RAP1GDS1: variants seen among roughly 807,000 people sequenced by gnomAD.
RAP1GDS1 encodes RAP1, GTP-GDP dissociation stimulator 1.
A neutral mutation model predicts 71.1 loss-of-function variants in RAP1GDS1; 35 were observed. The observed-to-expected ratio is 0.49, with a 90% CI of 0.38 to 0.65. The LOEUF (loss-of-function observed/expected upper bound fraction) is 0.65, where lower values mean the gene tolerates loss of function less well. Ranked by LOEUF, RAP1GDS1 falls within the 30% of genes least tolerant of loss-of-function variation. RAP1GDS1 has a pLI of 0.00. For missense variants in RAP1GDS1, 663 were observed against 706.1 expected (o/e 0.94, Z 0.69); for synonymous variants, 229 against 243.1 (o/e 0.94, Z 0.54).
chr4:98,443,015 A>ATTTTTTTTCTTTTTTTTTTTTT lies in RAP1GDS1; in HGVS notation c.*906_*907insCTTTTTTTTTTTTTTTTTTTTT. ...TGAGTATAGTTCATTGAAGAATGGA[A>ATTTTTTTTCTTTTTTTTTTTTT]TTTTTTTTTTTTTTTTTTTTTTTGC... is the stretch of plus-strand genomic sequence containing the variant. On this transcript the variant is annotated 3_prime_UTR_variant, in exon 15 of 15. Transcript: ENST00000408927. 1 of 130,728 alleles carries ATTTTTTTTCTTTTTTTTTTTTT rather than the reference A, an allele frequency of 7.6e-6. No homozygotes were observed. 8.1% of individuals were successfully genotyped at this position (130,728 alleles called of 1,614,324 possible).
At chr4:98,378,973 A>T in intron 4 of RAP1GDS1, 44 bp from the exon 5 acceptor site, 1 of 1,482,750 alleles carries the variant, frequency 6.7e-7, no homozygotes, top group Non-Finnish European at 9.1e-7. Flanking sequence ...TGTAAGGTAC[A>T]TTTCTTTTTT....
intron 14 of RAP1GDS1, 127 bp from the exon 15 acceptor site, chr4:98,441,863 T>G: frequency 9.5e-7 from 1 of 1,055,482 alleles, no homozygotes; most frequent in Non-Finnish European, 1.3e-6. Flanking sequence ...GCTACTGCTA[T>G]GTCTTTTTCC....
chr4:98,395,487 T>A (rs746882777), intron 6 of RAP1GDS1, among the ~76,000 whole-genome samples: 2 of 152,202 alleles, frequency 1.3e-5, no homozygotes, highest in Non-Finnish European at 2.9e-5. Flanking sequence ...CTGAGCCCTG[T>A]GAACTCCAGA....
At chr4:98,319,100 C>G (rs1731382434) in intron 2 of RAP1GDS1, among the ~76,000 whole-genome samples, 1 of 152,058 alleles carries the variant, frequency 6.6e-6, no homozygotes, top group African/African-American at 2.4e-5. Flanking sequence ...GAATTTTTGT[C>G]AAAATATTAA....
chr4:98,293,599 T>C (rs941834713), intron 2 of RAP1GDS1, 84 bp downstream of exon 2: 15 of 899,490 alleles, frequency 1.7e-5, no homozygotes, highest in Non-Finnish European at 2.6e-5. Flanking sequence ...GTTAAGCACA[T>C]AACTTTGTAT....
At chr4:98,312,866 G>A (rs901140763) in intron 2 of RAP1GDS1, among the ~76,000 whole-genome samples, 1 of 151,564 alleles carries the variant, frequency 6.6e-6, no homozygotes, top group Non-Finnish European at 1.5e-5. Flanking sequence ...TCAGGAGATC[G>A]AGACCATCCT....
chr4:98,381,135 A>G (rs1578663757), intron 5 of RAP1GDS1, among the ~76,000 whole-genome samples: 1 of 151,744 alleles, frequency 6.6e-6, no homozygotes, highest in African/African-American at 2.4e-5. Flanking sequence ...GGCATTCCCA[A>G]GAAATAACTT....
rs139695174 is a variant in RAP1GDS1, at chr4:98,406,715, A to AT, written c.763+2114dup. 7.3e-3 allele frequency among the ~76,000 whole-genome samples: 1,114 copies of AT among 152,216 alleles called. 19 individuals carry two copies. Among genetic ancestry groups the AT allele is most frequent in the African/African-American group, 0.026 (1,073 of 41,570 alleles). On this transcript the variant is annotated intron_variant, in intron 7 of 14. Coordinates refer to ENST00000408927, the MANE Select transcript of RAP1GDS1 (RefSeq NM_001100427.2). ...AACTACAGAGCTCTTTCAAGTACAT[A>AT]TGAAACATTTAAGAACATGTATACT... is the stretch of plus-strand genomic sequence containing the variant.
intron 1 of RAP1GDS1, among the ~76,000 whole-genome samples, chr4:98,293,180 C>T (rs548394058): frequency 4.2e-4 from 64 of 152,078 alleles, no homozygotes; most frequent in Non-Finnish European, 8.1e-4. Context: ...TGGAATATTC[C>T]TGGTATCTTA....
rs374210540 is a variant in RAP1GDS1, at chr4:98,399,634, C to A, written c.638-4843C>A. Among the ~76,000 whole-genome samples the A allele has an allele frequency of 6.6e-5, 10 of 152,250 alleles. 1 individual carries two copies. Among genetic ancestry groups the A allele is most frequent in the African/African-American group, 2.4e-4 (10 of 41,556 alleles). On this transcript the variant is annotated intron_variant, in intron 6 of 14. Transcript: ENST00000408927. Reference sequence around the variant, plus strand: ...AATGGGCAAATTATCTAAACAGATACATCTCAAAAGAAGATACAAAAATGG... The same window carrying A: ...AATGGGCAAATTATCTAAACAGATAAATCTCAAAAGAAGATACAAAAATGG...
chr4:98,423,247 A>T (rs1377402623), intron 12 of RAP1GDS1, among the ~76,000 whole-genome samples: 1 of 152,232 alleles, frequency 6.6e-6, no homozygotes, highest in Non-Finnish European at 1.5e-5. Flanking sequence ...AGGAAAGGGA[A>T]AGAGAATGAA....
intron 2 of RAP1GDS1, among the ~76,000 whole-genome samples, chr4:98,327,251 A>G (rs1733258316): frequency 6.6e-6 from 1 of 152,192 alleles, no homozygotes; most frequent in Non-Finnish European, 1.5e-5. Context: ...GGGCATTGCC[A>G]TGGGAATACA....
chr4:98,300,515 T>C (rs1728425695), intron 2 of RAP1GDS1, among the ~76,000 whole-genome samples: 1 of 151,960 alleles, frequency 6.6e-6, no homozygotes, highest in Non-Finnish European at 1.5e-5. Context: ...TTCTCCTGCC[T>C]CAGCCTCCTG....
Position 98,359,548 on chromosome 4 carries a change from A to G in RAP1GDS1, c.361+6947A>G, listed in dbSNP as rs138973210. Among the ~76,000 whole-genome samples, 6 of 152,268 alleles carry G rather than the reference A, an allele frequency of 3.9e-5. No individual in the cohort carries two copies. In the East Asian group the frequency reaches 9.6e-4, roughly 24 times the overall value. On this transcript the variant is annotated intron_variant, in intron 4 of 14. Coordinates refer to ENST00000408927, the MANE Select transcript of RAP1GDS1 (RefSeq NM_001100427.2). ...TAGGAAGTTTGTGGTTTTGGGGGAA[A>G]GTTCAAAATTGGGGCTGTAGGACAT...
chr4:98,357,601 A>G (rs1030411433), intron 4 of RAP1GDS1, among the ~76,000 whole-genome samples: 1 of 151,972 alleles, frequency 6.6e-6, no homozygotes, highest in Non-Finnish European at 1.5e-5. Context: ...GAACAAAGGA[A>G]CACAACCTGA....
At chr4:98,411,066 TA>T (rs913578759) in intron 7 of RAP1GDS1, among the ~76,000 whole-genome samples, 1 of 152,286 alleles carries the variant, frequency 6.6e-6, no homozygotes, top group South Asian at 2.1e-4. Flanking sequence ...TTTCACTCTT[TA>T]AAAAAAGTTT....
chr4:98,278,306 ATTATC>A (rs1265987171), intron 1 of RAP1GDS1, among the ~76,000 whole-genome samples: 4 of 152,106 alleles, frequency 2.6e-5, no homozygotes, highest in Non-Finnish European at 5.9e-5. Context: ...ATTACTTCTT[ATTATC>A]TTATATCCTT....
chr4:98,273,011 C>T (rs547074286), intron 1 of RAP1GDS1, among the ~76,000 whole-genome samples: 50 of 152,236 alleles, frequency 3.3e-4, no homozygotes, highest in African/African-American at 9.6e-4. Context: ...TTGAGTTCTT[C>T]GGCAACTTCT....
rs566097304 is a variant in RAP1GDS1 at position 98,310,777 on chromosome 4, T to A, written c.112+17262T>A. 2.5e-3 allele frequency among the ~76,000 whole-genome samples: 379 copies of A among 152,240 alleles called. 1 individual carries two copies. The highest frequency in any genetic ancestry group is 4.7e-3 in the Non-Finnish European group (322 of 68,008). On this transcript the variant is annotated intron_variant, in intron 2 of 14. Transcript: ENST00000408927. ...AGCACTTGAACGGCAAAGTTGAAAT[T>A]GAGATAAACTATAATCTCAAAGACT... is the stretch of plus-strand genomic sequence containing the variant.
Sources: allele counts gnomAD v4.1 joint callset (sites outside exome capture counted in the v4.1 genomes callset), GRCh38; gene constraint gnomAD v4.1.1; transcripts MANE v1.5; gene names NCBI Gene and HGNC (gene_info 2026-07-23, HGNC 2026-07-21).